Variants in ENPP6 observed in about 807,000 individuals in gnomAD.
ENPP6 encodes glycerophosphocholine cholinephosphodiesterase ENPP6.
ENPP6 carries 32 observed loss-of-function variants against 42.0 expected under a neutral mutation model. That is an observed-to-expected ratio of 0.76 (90% CI 0.58 to 1.02). The LOEUF is 1.02. ENPP6 is among the 50% of genes least tolerant of loss of function. The pLI, the probability that ENPP6 is intolerant of heterozygous loss-of-function variation, is 0.00. For missense variants in ENPP6, 552 were observed against 566.8 expected, an observed-to-expected ratio of 0.97 and a Z score of 0.27; for synonymous variants, 213 against 216.0, an observed-to-expected ratio of 0.99 and a Z score of 0.12.
intron 1 of ENPP6, among the ~76,000 whole-genome samples, chr4:184,181,340 A>G (rs1732547706): frequency 1.3e-5 from 2 of 152,344 alleles, no homozygotes; most frequent in South Asian, 4.1e-4. Flanking sequence ...ACTACAAACC[A>G]CTGCTCAAGG....
chr4:184,167,829 C>G (rs1737378394), intron 1 of ENPP6, among the ~76,000 whole-genome samples: 1 of 152,152 alleles, frequency 6.6e-6, no homozygotes. Flanking sequence ...ATCTGCATAT[C>G]AACAGATGGT....
intron 2 of ENPP6, among the ~76,000 whole-genome samples, chr4:184,137,342 C>A (rs113444500): frequency 2.0e-5 from 3 of 152,232 alleles, no homozygotes; most frequent in Non-Finnish European, 2.9e-5. Context: ...AGCAATCCAC[C>A]TGCCTCAGCC....
intron 1 of ENPP6, among the ~76,000 whole-genome samples, chr4:184,178,064 A>C (rs1732482371): frequency 6.6e-6 from 1 of 152,198 alleles, no homozygotes; most frequent in Non-Finnish European, 1.5e-5. Context: ...GGGTAATAAC[A>C]AACTTTGCTG....
intron 6 of ENPP6, among the ~76,000 whole-genome samples, chr4:184,108,130 G>T (rs1579612125): frequency 6.6e-6 from 1 of 152,106 alleles, no homozygotes; most frequent in Non-Finnish European, 1.5e-5. Context: ...CTGGGATGGC[G>T]GCTACAGGCA....
chr4:184,165,125 T>C (rs926653330), intron 1 of ENPP6, among the ~76,000 whole-genome samples: 5 of 152,208 alleles, frequency 3.3e-5, no homozygotes, highest in African/African-American at 1.2e-4. Context: ...CCTGGGACTC[T>C]GGAGGGGTGA....
At chr4:184,208,375 G>T (rs1428679018) in intron 1 of ENPP6, among the ~76,000 whole-genome samples, 1 of 152,170 alleles carries the variant, frequency 6.6e-6, no homozygotes, top group Non-Finnish European at 1.5e-5. Context: ...CAGGTCAGTG[G>T]GTGCGCGCAC....
intron 1 of ENPP6, 151 bp from the exon 2 acceptor site, chr4:184,153,884 T>TC: frequency 1.1e-6 from 1 of 934,804 alleles, no homozygotes; most frequent in East Asian, 2.8e-5. Context: ...AATCAGATTT[T>TC]TTTTTCTTAA....
chr4:184,217,439 G>T, intron 1 of ENPP6, 140 bp downstream of exon 1: 1 of 1,252,784 alleles, frequency 8.0e-7, no homozygotes, highest in South Asian at 1.6e-5. Flanking sequence ...CAAGAACACA[G>T]ATTTTTTTTA....
intron 2 of ENPP6, among the ~76,000 whole-genome samples, chr4:184,129,291 TACACACACACACACACAC>T (rs60982411): frequency 4.8e-5 from 7 of 145,400 alleles, no homozygotes; most frequent in South Asian, 2.2e-4. Flanking sequence ...CCCCCCAACA[TACACACACACACACACAC>T]ACACACACAC....
chr4:184,139,247 T>C (rs113792825), intron 2 of ENPP6, among the ~76,000 whole-genome samples: 1,555 of 151,998 alleles, frequency 0.01, 22 homozygotes, highest in South Asian at 0.04. Flanking sequence ...TAAATGACAA[T>C]GGCAAAGAAA....
intron 2 of ENPP6, among the ~76,000 whole-genome samples, chr4:184,124,944 C>G (rs1461076893): frequency 1.3e-5 from 2 of 152,194 alleles, no homozygotes; most frequent in African/African-American, 4.8e-5. Flanking sequence ...AAACACCCAT[C>G]CATATTAGGG....
intron 2 of ENPP6, among the ~76,000 whole-genome samples, chr4:184,131,109 C>G (rs1736603196): frequency 6.6e-6 from 1 of 152,036 alleles, no homozygotes; most frequent in African/African-American, 2.4e-5. Flanking sequence ...TTTTGTAAAG[C>G]TATTGTTTCA....
intron 7 of ENPP6, among the ~76,000 whole-genome samples, chr4:184,092,116 C>T (rs1310478320): frequency 6.6e-6 from 1 of 152,122 alleles, no homozygotes; most frequent in East Asian, 1.9e-4. Flanking sequence ...CTAGCCCGGA[C>T]CGACAGCCAG....
At chr4:184,097,517 C>T (rs1166417314) in intron 6 of ENPP6, 149 bp from the exon 7 acceptor site, 11 of 1,169,510 alleles carry the variant, frequency 9.4e-6, no homozygotes, top group Non-Finnish European at 1.2e-5. Context: ...TGCGGCACTT[C>T]CTGCTCCAGG....
chr4:184,211,480 A>G (rs1431731825), intron 1 of ENPP6, among the ~76,000 whole-genome samples: 2 of 152,194 alleles, frequency 1.3e-5, no homozygotes. Flanking sequence ...ATAAACTAGA[A>G]AATCTAGAAG....
At chr4:184,115,997 C>T (rs533420809) in intron 5 of ENPP6, among the ~76,000 whole-genome samples, 214 of 151,334 alleles carry the variant, frequency 1.4e-3, no homozygotes, top group African/African-American at 4.0e-3. Flanking sequence ...AGGTGGATCA[C>T]GAGGTCAGGA....
At chr4:184,113,345 A>T (rs1736245870) in intron 5 of ENPP6, among the ~76,000 whole-genome samples, 1 of 152,182 alleles carries the variant, frequency 6.6e-6, no homozygotes, top group Admixed American at 6.5e-5. Flanking sequence ...ACTAAACAGC[A>T]TATATGGTAA....
intron 1 of ENPP6, 139 bp downstream of exon 1, chr4:184,217,440 A>G: frequency 8.0e-7 from 1 of 1,256,892 alleles, no homozygotes; most frequent in South Asian, 1.6e-5. Context: ...AAGAACACAG[A>G]TTTTTTTTAT....
Position 184,208,996 on chromosome 4 carries a change from G to C in ENPP6, c.241+8583C>G, listed in dbSNP as rs13127976. Among the ~76,000 whole-genome samples the C allele has an allele frequency of 2.2e-5, 3 of 137,324 alleles. No individual in the cohort carries two copies. In the East Asian group the frequency reaches 6.2e-4, roughly 28 times the overall value. The allele number at this position is 137,324 out of a possible 152,430, so 90.1% of individuals were successfully genotyped here. A position where few individuals can be genotyped will look rare whatever the true frequency, so the allele number is the denominator to read the frequency against. On this transcript the variant is annotated intron_variant, in intron 1 of 7. Coordinates refer to ENST00000296741, the MANE Select transcript of ENPP6 (RefSeq NM_153343.4). Reference sequence around the variant, plus strand: ...AGCACACTGACACCTCACACGGCAGGGTATTCCAACAGACCTGCAGCTGAG... The same window carrying C: ...AGCACACTGACACCTCACACGGCAGCGTATTCCAACAGACCTGCAGCTGAG...
Sources: gnomAD v4.1 joint callset for allele counts (sites outside exome capture counted in the v4.1 genomes callset) on GRCh38, gnomAD v4.1.1 for gene constraint, MANE v1.5 for transcripts, NCBI Gene and HGNC (gene_info 2026-07-23, HGNC 2026-07-21) for gene names.